The following DPP10 variants were observed in gnomAD, a reference collection of about 807,000 sequenced individuals.
The protein encoded by DPP10 is inactive dipeptidyl peptidase 10.
DPP10 carries 33 observed loss-of-function variants against 120.9 expected under a neutral mutation model. That is an observed-to-expected ratio of 0.27 (90% CI 0.21 to 0.37). DPP10 has a LOEUF of 0.37. Ranked by LOEUF, DPP10 falls within the 10% of genes least tolerant of loss-of-function variation. The pLI, the probability that DPP10 is intolerant of heterozygous loss-of-function variation, is 1.00. For synonymous variants in DPP10, 337 were observed against 326.1 expected (o/e 1.03, Z -0.36); for missense variants, 816 against 942.8 (o/e 0.87, Z 1.76).
chr2:115,792,462 A>G (rs1684091580), intron 19 of DPP10, among the ~76,000 whole-genome samples: 1 of 152,090 alleles, frequency 6.6e-6, no homozygotes, highest in Non-Finnish European at 1.5e-5. Context: ...TATAATATTT[A>G]ATTTTCTCTC....
intron 5 of DPP10, among the ~76,000 whole-genome samples, chr2:115,544,568 C>T (rs1203234362): frequency 6.6e-6 from 1 of 152,052 alleles, no homozygotes; most frequent in Non-Finnish European, 1.5e-5. Context: ...CAAAATCTAA[C>T]TGCCCATCCT....
chr2:115,175,976 T>G (rs2053659409), intron 1 of DPP10, among the ~76,000 whole-genome samples: 1 of 152,182 alleles, frequency 6.6e-6, no homozygotes. Context: ...TCCAAGATTC[T>G]GCATTTATAG....
chr2:114,631,377 C>A (rs1156521067), intron 1 of DPP10, among the ~76,000 whole-genome samples: 1 of 152,050 alleles, frequency 6.6e-6, no homozygotes, highest in Non-Finnish European at 1.5e-5. Context: ...CTCTACCCCG[C>A]CTCTATCCTG....
chr2:115,251,928 A>G (rs1324343478), intron 1 of DPP10, among the ~76,000 whole-genome samples: 1 of 152,216 alleles, frequency 6.6e-6, no homozygotes, highest in Non-Finnish European at 1.5e-5. Flanking sequence ...GGGCAGCCCC[A>G]CCTTCCAGTA....
At chr2:114,913,395 G>A (rs539266229) in intron 1 of DPP10, among the ~76,000 whole-genome samples, 1 of 152,162 alleles carries the variant, frequency 6.6e-6, no homozygotes, top group Admixed American at 6.5e-5. Flanking sequence ...GTCCTCCAGT[G>A]CAGGAAGTGC....
At chr2:115,719,838 A>T (rs1403570288) in intron 7 of DPP10, among the ~76,000 whole-genome samples, 1 of 152,184 alleles carries the variant, frequency 6.6e-6, no homozygotes, top group Non-Finnish European at 1.5e-5. Flanking sequence ...TTCCATGTGC[A>T]TGGTGCCAAG....
intron 11 of DPP10, among the ~76,000 whole-genome samples, chr2:115,754,939 A>T (rs893638030): frequency 6.6e-6 from 1 of 152,112 alleles, no homozygotes; most frequent in Non-Finnish European, 1.5e-5. Flanking sequence ...ATGTATCAAT[A>T]AAAAATTAAA....
At chr2:115,195,277 G>A (rs1044478556) in intron 1 of DPP10, among the ~76,000 whole-genome samples, 4 of 152,148 alleles carry the variant, frequency 2.6e-5, no homozygotes, top group African/African-American at 9.7e-5. Context: ...TTTAAAGGGT[G>A]TTAGGAGTAA....
intron 1 of DPP10, among the ~76,000 whole-genome samples, chr2:114,448,357 T>C (rs888034063): frequency 5.3e-5 from 8 of 152,198 alleles, no homozygotes; most frequent in Admixed American, 2.6e-4. Flanking sequence ...AAATTCATGT[T>C]TTGGTCAGTT....
intron 1 of DPP10, among the ~76,000 whole-genome samples, chr2:114,449,773 A>G (rs897928323): frequency 1.1e-4 from 16 of 152,214 alleles, no homozygotes; most frequent in Admixed American, 7.9e-4. Context: ...TAAGGATACG[A>G]CATTTTCATA....
At chr2:114,893,724 C>T (rs1355962723) in intron 1 of DPP10, among the ~76,000 whole-genome samples, 4 of 152,184 alleles carry the variant, frequency 2.6e-5, no homozygotes, top group Non-Finnish European at 5.9e-5. Context: ...AATAATCACA[C>T]TTCTAAGGCA....
intron 1 of DPP10, among the ~76,000 whole-genome samples, chr2:115,283,809 C>A (rs1318262259): frequency 6.6e-6 from 1 of 152,042 alleles, no homozygotes; most frequent in Non-Finnish European, 1.5e-5. Context: ...CATACTTTTA[C>A]TGTACCTTTT....
intron 1 of DPP10, among the ~76,000 whole-genome samples, chr2:114,812,928 A>G (rs1001309509): frequency 6.6e-6 from 1 of 151,992 alleles, no homozygotes; most frequent in East Asian, 1.9e-4. Context: ...ATAGAACACC[A>G]CCCATGATTC....
intron 13 of DPP10, among the ~76,000 whole-genome samples, chr2:115,768,682 C>A (rs910463406): frequency 6.6e-6 from 1 of 152,098 alleles, no homozygotes; most frequent in Non-Finnish European, 1.5e-5. Context: ...TAAAAGCACC[C>A]AACTTTTGAG....
chr2:115,204,927 T>G (rs1455376347), intron 1 of DPP10, among the ~76,000 whole-genome samples: 2 of 152,184 alleles, frequency 1.3e-5, no homozygotes, highest in African/African-American at 4.8e-5. Flanking sequence ...CCTTTGCCCA[T>G]TTTTTAATGG....
At chr2:115,798,952 T>C (rs1262976386) in intron 19 of DPP10, among the ~76,000 whole-genome samples, 2 of 152,124 alleles carry the variant, frequency 1.3e-5, no homozygotes. Context: ...CATGTCTTTG[T>C]AGCCTGTATG....
intron 1 of DPP10, among the ~76,000 whole-genome samples, chr2:114,981,424 T>G (rs1484704849): frequency 2.0e-5 from 3 of 152,196 alleles, no homozygotes; most frequent in Non-Finnish European, 4.4e-5. Context: ...TACAATACTT[T>G]TTTACATAAA....
intron 5 of DPP10, among the ~76,000 whole-genome samples, chr2:115,678,872 A>G (rs193069630): frequency 6.6e-6 from 1 of 152,188 alleles, no homozygotes; most frequent in East Asian, 1.9e-4. Context: ...TGGGCCATGG[A>G]GTCAAAACAG....
intron 1 of DPP10, among the ~76,000 whole-genome samples, chr2:114,477,874 TATATGTGTATATATGTAC>T (rs1423986311): frequency 3.8e-4 from 56 of 147,968 alleles, no homozygotes; most frequent in East Asian, 9.8e-4. Flanking sequence ...TATATGTACA[TATATGTGTATATATGTAC>T]ATATGTGTAT....
Sources: gnomAD v4.1 joint callset for allele counts (sites outside exome capture counted in the v4.1 genomes callset) on GRCh38, gnomAD v4.1.1 for gene constraint, MANE v1.5 for transcripts, NCBI Gene and HGNC (gene_info 2026-07-23, HGNC 2026-07-21) for gene names.